PTPRD: variants seen among roughly 807,000 people sequenced by gnomAD.
The protein encoded by PTPRD is protein tyrosine phosphatase receptor type D.
PTPRD carries 34 observed loss-of-function variants against 214.5 expected under a neutral mutation model. That is an observed-to-expected ratio of 0.16 (90% CI 0.12 to 0.21). The LOEUF is 0.21. PTPRD is among the 10% of genes least tolerant of loss of function. The pLI is 1.00. For missense variants in PTPRD, 2,545 were observed against 2,398.7 expected (o/e 1.06, Z -1.27); for synonymous variants, 1,128 against 845.7 (o/e 1.33, Z -5.79).
intron 5 of PTPRD, among the ~76,000 whole-genome samples, chr9:9,920,616 C>A (rs1403473197): frequency 1.3e-5 from 2 of 152,100 alleles, no homozygotes; most frequent in Non-Finnish European, 2.9e-5. Context: ...ACCATGGTAG[C>A]CCCTAGTGGT....
chr9:8,735,310 ATTT>A (rs1217893790), intron 11 of PTPRD, among the ~76,000 whole-genome samples: 1 of 151,524 alleles, frequency 6.6e-6, no homozygotes, highest in African/African-American at 2.4e-5. Flanking sequence ...TGCCTGGGTA[ATTT>A]TTGTACTTTT....
intron 5 of PTPRD, among the ~76,000 whole-genome samples, chr9:9,774,498 C>T (rs2098780519): frequency 1.3e-5 from 2 of 152,120 alleles, no homozygotes; most frequent in Admixed American, 6.5e-5. Context: ...ATCACTTGTC[C>T]TTACTAGGAA....
chr9:9,748,109 A>G (rs568082427), intron 6 of PTPRD, among the ~76,000 whole-genome samples: 4 of 152,222 alleles, frequency 2.6e-5, no homozygotes, highest in South Asian at 4.1e-4. Flanking sequence ...TATTCTTTCC[A>G]TCATTCATCA....
intron 4 of PTPRD, among the ~76,000 whole-genome samples, chr9:9,970,209 G>A (rs1034648094): frequency 2.0e-5 from 3 of 152,138 alleles, no homozygotes; most frequent in Admixed American, 2.0e-4. Flanking sequence ...ACTTTACTTT[G>A]GGAGGCCGAG....
chr9:9,770,741 T>C (rs768225), intron 5 of PTPRD, among the ~76,000 whole-genome samples: 59,193 of 151,846 alleles, frequency 0.39, 12,017 homozygotes, highest in East Asian at 0.66. Context: ...CTGCACAGGT[T>C]GAAAATCTGG....
intron 4 of PTPRD, among the ~76,000 whole-genome samples, chr9:9,998,129 A>ATATATATATAT (rs1555449230): frequency 0.01 from 934 of 91,382 alleles, 13 homozygotes; most frequent in African/African-American, 0.035. Flanking sequence ...AAAAAAAAAA[A>ATATATATATAT]ATATATATAT....
chr9:8,560,919 C>T (rs1357168997), intron 14 of PTPRD, among the ~76,000 whole-genome samples: 2 of 128,218 alleles, frequency 1.6e-5, no homozygotes, highest in Admixed American at 1.4e-4. Context: ...TGCAGAAAGG[C>T]ATTCCTTTAA....
At chr9:8,377,375 C>T (rs1000863144) in intron 37 of PTPRD, among the ~76,000 whole-genome samples, 1 of 151,944 alleles carries the variant, frequency 6.6e-6, no homozygotes. Flanking sequence ...AAAATTCATC[C>T]AAGATGAATA....
intron 12 of PTPRD, among the ~76,000 whole-genome samples, chr9:8,684,330 T>C (rs2097628041): frequency 6.6e-6 from 1 of 152,208 alleles, no homozygotes; most frequent in African/African-American, 2.4e-5. Flanking sequence ...TTGTAAGCCA[T>C]CTCTATTTTA....
chr9:8,528,482 A>C, intron 15 of PTPRD, 109 bp downstream of exon 15: 2 of 1,015,786 alleles, frequency 2.0e-6, no homozygotes, highest in Non-Finnish European at 3.0e-6. Context: ...AAGAGGGAGA[A>C]AAATCAGTAC....
intron 5 of PTPRD, among the ~76,000 whole-genome samples, chr9:9,866,279 T>G (rs573202903): frequency 6.7e-6 from 1 of 149,888 alleles, no homozygotes; most frequent in African/African-American, 2.5e-5. Context: ...ATTATTTTCA[T>G]GAAAGTGAAT....
At chr9:9,960,332 A>T (rs972222254) in intron 4 of PTPRD, among the ~76,000 whole-genome samples, 4 of 152,118 alleles carry the variant, frequency 2.6e-5, no homozygotes, top group Admixed American at 2.6e-4. Context: ...GGTGATGAGG[A>T]AAACAACCCA....
intron 3 of PTPRD, among the ~76,000 whole-genome samples, chr9:10,260,776 T>C (rs1048864518): frequency 6.6e-6 from 1 of 152,100 alleles, no homozygotes; most frequent in African/African-American, 2.4e-5. Flanking sequence ...CTTACACTTG[T>C]AAATTTCCTT....
intron 11 of PTPRD, among the ~76,000 whole-genome samples, chr9:8,836,524 T>A (rs535900706): frequency 1.1e-4 from 17 of 151,344 alleles, no homozygotes; most frequent in Admixed American, 5.3e-4. Flanking sequence ...TTTAAAACTC[T>A]GACCTTTGAT....
chr9:8,618,591 TA>T (rs949337914), intron 14 of PTPRD, among the ~76,000 whole-genome samples: 2 of 152,220 alleles, frequency 1.3e-5, no homozygotes, highest in Admixed American at 1.3e-4. Context: ...CATGGAGTCA[TA>T]AAACACCAAG....
intron 3 of PTPRD, among the ~76,000 whole-genome samples, chr9:10,047,997 A>T (rs1164756273): frequency 6.6e-6 from 1 of 152,172 alleles, no homozygotes; most frequent in Admixed American, 6.6e-5. Context: ...AACAGAGTGA[A>T]CTTTCCAGTT....
intron 7 of PTPRD, among the ~76,000 whole-genome samples, chr9:9,646,257 G>C (rs1427889567): frequency 2.6e-5 from 4 of 151,520 alleles, no homozygotes; most frequent in Non-Finnish European, 5.9e-5. Context: ...AAGTTTTCTT[G>C]GATGTTGTTA....
chr9:9,522,642 T>C (rs1039623977), intron 8 of PTPRD, among the ~76,000 whole-genome samples: 1 of 152,274 alleles, frequency 6.6e-6, no homozygotes, highest in Non-Finnish European at 1.5e-5. Flanking sequence ...TCTCTGTTGG[T>C]GTAATTTCCT....
intron 2 of PTPRD, among the ~76,000 whole-genome samples, chr9:10,500,218 T>G (rs1323614317): frequency 1.3e-5 from 2 of 151,886 alleles, no homozygotes; most frequent in Admixed American, 6.6e-5. Flanking sequence ...GTCAGTAAAC[T>G]AACTTTCTGT....
Sources: gnomAD v4.1 joint callset for allele counts (sites outside exome capture counted in the v4.1 genomes callset) on GRCh38, gnomAD v4.1.1 for gene constraint, MANE v1.5 for transcripts, NCBI Gene and HGNC (gene_info 2026-07-23, HGNC 2026-07-21) for gene names.